ATAD2: variants seen among roughly 807,000 people sequenced by gnomAD.
ATAD2 encodes ATPase family AAA domain-containing protein 2.
A neutral mutation model predicts 168.9 loss-of-function variants in ATAD2; 62 were observed. The observed-to-expected ratio is 0.37, with a 90% CI of 0.30 to 0.45. The LOEUF (loss-of-function observed/expected upper bound fraction) is 0.45, where lower values mean the gene tolerates loss of function less well. Ranked by LOEUF, ATAD2 falls within the 20% of genes least tolerant of loss-of-function variation. ATAD2 has a pLI of 1.00. For synonymous variants in ATAD2, 613 were observed against 571.6 expected, an observed-to-expected ratio of 1.07 and a Z score of -1.03; for missense variants, 1,419 against 1,667.8, an observed-to-expected ratio of 0.85 and a Z score of 2.60.
At position 123,371,010 on chromosome 8, in the gene ATAD2, A is replaced by G; in HGVS notation, c.640-20T>C. 1.3e-6 allele frequency: 2 copies of G among 1,503,084 alleles called. No homozygotes were observed. Among genetic ancestry groups the G allele is most frequent in the Non-Finnish European group, 1.8e-6 (2 of 1,105,792 alleles). The allele number at this position is 1,503,084 out of a possible 1,614,324, so 93.1% of individuals were successfully genotyped here. A position where few individuals can be genotyped will look rare whatever the true frequency, so the allele number is the denominator to read the frequency against. On this transcript the variant is annotated intron_variant, in intron 5 of 27. Transcript: ENST00000287394. ...ATTGCTCTAAAAATGTTTAAATAAAAGCCATTAACATTTGGAATCTATTTA... is the reference window on the plus strand; with the variant it reads ...ATTGCTCTAAAAATGTTTAAATAAAGGCCATTAACATTTGGAATCTATTTA...
At chr8:123,336,330 C>T in intron 22 of ATAD2, 43 bp downstream of exon 22, 5 of 1,507,522 alleles carry the variant, frequency 3.3e-6, no homozygotes, top group Non-Finnish European at 3.6e-6. Context: ...GTGTTAGCTG[C>T]CCCCCAACTC....
intron 13 of ATAD2, among the ~76,000 whole-genome samples, chr8:123,354,864 A>ATATATATATATATAT (rs1252391256): frequency 4.6e-5 from 3 of 64,712 alleles, no homozygotes; most frequent in African/African-American, 2.6e-4. Flanking sequence ...AAAAAAAAAA[A>ATATATATATATATAT]ATATATATAT....
At chr8:123,389,426 T>C (rs954797353) in intron 1 of ATAD2, among the ~76,000 whole-genome samples, 2 of 148,218 alleles carry the variant, frequency 1.3e-5, no homozygotes, top group Non-Finnish European at 3.0e-5. Context: ...GATCACGAAG[T>C]CGGGAGATTG....
rs373225936 is a variant in ATAD2, at chr8:123,396,120, C to G, written c.171+67G>C. ...GGCGCCGCCCACCCCCAGGCCCCTCCGAGCGCCGGGCTGCCGGCAGTCCCC... is the reference window on the plus strand; with the variant it reads ...GGCGCCGCCCACCCCCAGGCCCCTCGGAGCGCCGGGCTGCCGGCAGTCCCC... On this transcript the variant is annotated intron_variant, in intron 1 of 27. Coordinates refer to ENST00000287394, the MANE Select transcript of ATAD2 (RefSeq NM_014109.4). The G allele has an allele frequency of 2.7e-6, 4 of 1,470,656 alleles. No homozygotes were observed. In the African/African-American group the frequency reaches 4.4e-5, roughly 16 times the overall value. The allele number at this position is 1,470,656 out of a possible 1,614,324, so 91.1% of individuals were successfully genotyped here.
Position 123,359,613 on chromosome 8 carries a change from G to C in ATAD2, c.1230C>G (p.Ser410Arg). Residue 410 changes from serine (S) to arginine (R), a missense_variant, in exon 10 of 28, where the codon AGC becomes AGG. This residue lies in a region of ATAD2 where 146 missense variants were observed against 188.3 expected (regional missense o/e 0.78). Transcript: ENST00000287394. ...IYKDRMKIGA[S>R]LADVDPMQLD... ...GTTGCATTGGATCAACATCGGCAAG[G>C]CTTGCTCCAATTTTCATTCGATCTT... The C allele has an allele frequency of 3.7e-6, 6 of 1,613,184 alleles. No homozygotes were observed. Among genetic ancestry groups the C allele is most frequent in the Non-Finnish European group, 5.1e-6 (6 of 1,179,688 alleles).
chr8:123,360,831 C>A (rs1173270706), intron 9 of ATAD2, among the ~76,000 whole-genome samples: 1 of 149,902 alleles, frequency 6.7e-6, no homozygotes, highest in Non-Finnish European at 1.5e-5. Context: ...TTGGGAAAAT[C>A]AAATAAGCTG....
chr8:123,372,976 T>G (rs1829193371), intron 2 of ATAD2, among the ~76,000 whole-genome samples: 1 of 149,918 alleles, frequency 6.7e-6, no homozygotes, highest in South Asian at 2.1e-4. Flanking sequence ...CACTGCAAGC[T>G]CCCCCTCCTG....
Position 123,339,464 on chromosome 8 carries a change from A to C in ATAD2, c.2719-18T>G. ...TCTTGCACCTTAAAAAAGAAAATAAATGCAATATATATCATATATACAGAT... is the reference window on the plus strand; with the variant it reads ...TCTTGCACCTTAAAAAAGAAAATAACTGCAATATATATCATATATACAGAT... On this transcript the variant is annotated intron_variant, in intron 19 of 27. Coordinates refer to ENST00000287394, the MANE Select transcript of ATAD2 (RefSeq NM_014109.4). 1 of 1,551,278 alleles carries C rather than the reference A, an allele frequency of 6.4e-7. No homozygotes were observed. The highest frequency in any genetic ancestry group is 8.8e-7 in the Non-Finnish European group (1 of 1,140,744).
chr8:123,388,969 TCTC>T (rs1829725509), intron 1 of ATAD2, among the ~76,000 whole-genome samples: 2 of 149,596 alleles, frequency 1.3e-5, no homozygotes, highest in South Asian at 4.4e-4. Flanking sequence ...TTTTCTTCTC[TCTC>T]TTTTTTTTTT....
chr8:123,345,412 C>T (rs997762712), intron 18 of ATAD2, among the ~76,000 whole-genome samples: 1 of 151,324 alleles, frequency 6.6e-6, no homozygotes, highest in Non-Finnish European at 1.5e-5. Flanking sequence ...CTATAATCCA[C>T]GCACTTTGGG....
rs1420012357 is a variant in ATAD2 at position 123,321,028 on chromosome 8, C to A, written c.*106G>T. The A allele has an allele frequency of 1.3e-5, 13 of 964,982 alleles. No individual in the cohort carries two copies. Among genetic ancestry groups the A allele is most frequent in the African/African-American group, 3.3e-5 (2 of 59,706 alleles). The allele number at this position is 964,982 out of a possible 1,614,324, so 59.8% of individuals were successfully genotyped here. A position where few individuals can be genotyped will look rare whatever the true frequency, so the allele number is the denominator to read the frequency against. On this transcript the variant is annotated 3_prime_UTR_variant, in exon 28 of 28. Transcript: ENST00000287394. ...AATACTTTTATTTTACTATTTTAAT[C>A]TTTTCCTTAAAGATGCAGGGTTTCA...
intron 24 of ATAD2, 58 bp from the exon 25 acceptor site, chr8:123,328,637 A>G (rs909716922): frequency 5.5e-6 from 8 of 1,460,528 alleles, no homozygotes; most frequent in Non-Finnish European, 7.3e-6. Context: ...CTGAAATTCA[A>G]AGAGTGAAAA....
intron 1 of ATAD2, among the ~76,000 whole-genome samples, chr8:123,405,256 CTT>C (rs1246084592): frequency 6.7e-5 from 6 of 89,000 alleles, no homozygotes; most frequent in Non-Finnish European, 1.4e-4. Context: ...CATTTTCTTT[CTT>C]TCTTTTTTTT....
chr8:123,414,679 A>T lies in ATAD2; in HGVS notation c.-2282+1569T>A, dbSNP rs540852052. Among the ~76,000 whole-genome samples, 12 of 152,186 alleles carry T rather than the reference A, an allele frequency of 7.9e-5. No homozygotes were observed. The South Asian group carries it at 2.5e-3, about 32-fold the overall frequency. On this transcript the variant is annotated intron_variant, in intron 1 of 28. Transcript: ENST00000521903. Reference sequence around the variant, plus strand: ...AGGCATAACGATAACACATAAGGAAACTCTATTCAGTACCTTACCGTATAG... The same window carrying T: ...AGGCATAACGATAACACATAAGGAATCTCTATTCAGTACCTTACCGTATAG...
chr8:123,415,021 C>T (rs768177706), intron 1 of ATAD2, among the ~76,000 whole-genome samples: 1 of 151,910 alleles, frequency 6.6e-6, no homozygotes, highest in Non-Finnish European at 1.5e-5. Context: ...TATGCTTTAA[C>T]GAGGTTCTGT....
At chr8:123,384,075 G>A (rs1167804542) in intron 1 of ATAD2, among the ~76,000 whole-genome samples, 3 of 143,510 alleles carry the variant, frequency 2.1e-5, no homozygotes, top group African/African-American at 5.2e-5. Context: ...GCGAGACTCC[G>A]TCTCAAAAAA....
At chr8:123,329,264 G>T (rs1194986509) in intron 24 of ATAD2, among the ~76,000 whole-genome samples, 1 of 152,090 alleles carries the variant, frequency 6.6e-6, no homozygotes, top group African/African-American at 2.4e-5. Flanking sequence ...TCATGTACTA[G>T]AAACTATCTT....
chr8:123,325,904 C>T lies in ATAD2; in HGVS notation c.3991G>A (p.Glu1331Lys). 3.1e-6 allele frequency: 5 copies of T among 1,614,052 alleles called. No individual in the cohort carries two copies. The highest frequency in any genetic ancestry group is 1.7e-5 in the Admixed American group (1 of 59,984). Residue 1331 changes from glutamate (E) to lysine (K), a missense_variant, in exon 26 of 28, where the codon GAG becomes AAG. By Grantham distance (56) the Glu-to-Lys change is moderately conservative (BLOSUM62 1). Around this residue, in one of 5 missense-constraint regions of ATAD2, gnomAD observed 303 missense variants for 304.3 expected, o/e 1.00. Coordinates refer to ENST00000287394, the MANE Select transcript of ATAD2 (RefSeq NM_014109.4). The stretch of plus-strand genomic sequence containing the variant: ...TTCAATTTACATACTTTTAATCGCT[C>T]ATGATCCACAACAAGTGAGGGTGTA... ...QPTPSLVVDH[E>K]RLKNLLKTVV... is the part of the protein sequence containing the mutation.
intron 19 of ATAD2, among the ~76,000 whole-genome samples, chr8:123,343,133 C>T (rs1434158054): frequency 1.3e-5 from 2 of 152,034 alleles, no homozygotes; most frequent in Non-Finnish European, 2.9e-5. Context: ...TACGGGCACA[C>T]ATCACCATGT....
Sources: allele counts gnomAD v4.1 joint callset (sites outside exome capture counted in the v4.1 genomes callset), GRCh38; gene constraint gnomAD v4.1.1; regional missense constraint gnomAD v4.1.1; transcripts MANE v1.5; gene names NCBI Gene and HGNC (gene_info 2026-07-23, HGNC 2026-07-21).